The following AKAP13 variants were observed in gnomAD, a reference collection of about 807,000 sequenced individuals.
AKAP13 encodes A-kinase anchor protein 13.
A neutral mutation model predicts 264.5 loss-of-function variants in AKAP13; 80 were observed. The observed-to-expected ratio is 0.30, with a 90% CI of 0.25 to 0.36. The LOEUF (loss-of-function observed/expected upper bound fraction) is 0.36. Ranked by LOEUF, AKAP13 falls within the 10% of genes least tolerant of loss-of-function variation. AKAP13 has a pLI of 1.00. For synonymous variants in AKAP13, 1,380 were observed against 1,250.2 expected (o/e 1.10, Z -2.19); for missense variants, 3,712 against 3,435.2 (o/e 1.08, Z -2.01).
intron 8 of AKAP13, among the ~76,000 whole-genome samples, chr15:85,590,742 A>T (rs1014566112): frequency 6.6e-6 from 1 of 152,160 alleles, no homozygotes; most frequent in Non-Finnish European, 1.5e-5. Context: ...TTTAATGCCC[A>T]TTGCAATTTA....
intron 2 of AKAP13, among the ~76,000 whole-genome samples, chr15:85,507,824 C>T (rs951000184): frequency 1.3e-5 from 2 of 152,354 alleles, no homozygotes; most frequent in South Asian, 2.1e-4. Context: ...CACCCTCCTC[C>T]ACTCCCACAC....
chr15:85,726,579 T>C, intron 27 of AKAP13, 93 bp downstream of exon 27: 1 of 1,062,118 alleles, frequency 9.4e-7, no homozygotes, highest in Non-Finnish European at 1.4e-6. Context: ...CCCGCCCTCT[T>C]AAAATTAAAT....
At chr15:85,430,979 C>T (rs1277133982) in intron 1 of AKAP13, among the ~76,000 whole-genome samples, 6 of 152,184 alleles carry the variant, frequency 3.9e-5, no homozygotes, top group Admixed American at 6.5e-5. Context: ...AGATCATCAT[C>T]ATCACTTTTC....
At chr15:85,634,886 T>C (rs1167696613) in intron 8 of AKAP13, among the ~76,000 whole-genome samples, 1 of 151,806 alleles carries the variant, frequency 6.6e-6, no homozygotes, top group Non-Finnish European at 1.5e-5. Flanking sequence ...GATTCATCCA[T>C]GTTGTTTGTA....
At chr15:85,633,705 G>A (rs1395036849) in intron 8 of AKAP13, among the ~76,000 whole-genome samples, 1 of 151,572 alleles carries the variant, frequency 6.6e-6, no homozygotes, top group Non-Finnish European at 1.5e-5. Flanking sequence ...CACCACGCCT[G>A]GCTAATGTTT....
chr15:85,390,576 G>GA (rs34171235), intron 1 of AKAP13, among the ~76,000 whole-genome samples: 109,952 of 151,902 alleles, frequency 0.72, 40,106 homozygotes, highest in Non-Finnish European at 0.78. Flanking sequence ...GGCATGACAA[G>GA]GTTGATTTAG....
In AKAP13 at chr15:85,415,194, C is replaced by A. The variant is rs1470192705; in HGVS notation, c.-12+34396C>A. 7 of 1,378,722 alleles carry A rather than the reference C, an allele frequency of 5.1e-6. No homozygotes were observed. In the South Asian group the frequency reaches 8.6e-5, roughly 17 times the overall value. 85.4% of individuals were successfully genotyped at this position (1,378,722 alleles called of 1,614,324 possible). A position where few individuals can be genotyped will look rare whatever the true frequency, so the allele number is the denominator to read the frequency against. On this transcript the variant is annotated intron_variant, in intron 1 of 36. Coordinates refer to ENST00000394518, the MANE Select transcript of AKAP13 (RefSeq NM_007200.5). ...AGCACGCTGCCACGCCGACGCAGAC[C>A]CCGCTCTGCACGCCAGCTCGCCCGC...
chr15:85,664,943 A>G (rs1177819040), intron 13 of AKAP13, among the ~76,000 whole-genome samples, 188 bp downstream of exon 13: 2 of 152,162 alleles, frequency 1.3e-5, no homozygotes, highest in Non-Finnish European at 2.9e-5. Flanking sequence ...GCTCATGCCT[A>G]TAATCCCAGT....
intron 12 of AKAP13, among the ~76,000 whole-genome samples, chr15:85,661,787 T>G (rs2151539189): frequency 6.6e-6 from 1 of 152,278 alleles, no homozygotes; most frequent in East Asian, 1.9e-4. Flanking sequence ...TGCTTTATCT[T>G]TAACGTAACA....
chr15:85,636,450 G>A (rs145426539), intron 8 of AKAP13, among the ~76,000 whole-genome samples: 1 of 152,268 alleles, frequency 6.6e-6, no homozygotes, highest in East Asian at 1.9e-4. Flanking sequence ...GATGAGAATG[G>A]ACATCTTTGG....
intron 4 of AKAP13, among the ~76,000 whole-genome samples, chr15:85,539,497 G>T (rs1313639218): frequency 6.6e-6 from 1 of 152,200 alleles, no homozygotes; most frequent in Non-Finnish European, 1.5e-5. Flanking sequence ...ACTGTAAGCT[G>T]GGCTTGCTGG....
At position 85,580,486 on chromosome 15, in the gene AKAP13, C is replaced by G; in HGVS notation, c.2418C>G (p.Pro806=). Residue 806 remains proline (P), a synonymous_variant, in exon 7 of 37, where the codon CCC becomes CCG. Transcript: ENST00000394518. ...VTKDDALSFV[P]SQKEKGTATP... ...AGGATGACGCACTTTCTTTTGTCCC[C>G]TCCCAGAAAGAAAAGGGAACAGCAA... 2 of 1,614,098 alleles carry G rather than the reference C, an allele frequency of 1.2e-6. No homozygotes were observed. Among genetic ancestry groups the G allele is most frequent in the Non-Finnish European group, 1.7e-6 (2 of 1,180,038 alleles).
rs562957595 is a variant in AKAP13 at position 85,692,523 on chromosome 15, A to G, written c.5290-754A>G. On this transcript the variant is annotated intron_variant, in intron 16 of 36. Transcript: ENST00000394518. ...TGGTGGTGGTGGTGGTGGTGGCAGT[A>G]GTGGTAGTAGTGGTAGTAGTACCTG... Among the ~76,000 whole-genome samples, 4 of 151,076 alleles carry G rather than the reference A, an allele frequency of 2.6e-5. No homozygotes were observed. In the South Asian group the frequency reaches 8.3e-4, roughly 32 times the overall value.
intron 1 of AKAP13, among the ~76,000 whole-genome samples, chr15:85,454,591 A>G (rs1171416535): frequency 3.9e-5 from 6 of 152,056 alleles, no homozygotes; most frequent in African/African-American, 1.2e-4. Flanking sequence ...TGAGAGTCAC[A>G]CACACTAGCT....
At chr15:85,660,686 A>G (rs144931570) in intron 12 of AKAP13, among the ~76,000 whole-genome samples, 1 of 152,302 alleles carries the variant, frequency 6.6e-6, no homozygotes, top group East Asian at 1.9e-4. Flanking sequence ...TGTAAAATAT[A>G]TATCTTCTCC....
intron 4 of AKAP13, chr15:85,536,557 A>C (rs142695739): frequency 1.8e-4 from 28 of 152,334 alleles, no homozygotes; most frequent in African/African-American, 6.5e-4. Flanking sequence ...AATCTTCAAA[A>C]ACTGGAAATA....
chr15:85,496,159 G>A (rs970421197), intron 2 of AKAP13, among the ~76,000 whole-genome samples: 2 of 152,068 alleles, frequency 1.3e-5, no homozygotes, highest in South Asian at 2.1e-4. Flanking sequence ...GGTAGGGTTC[G>A]CATCCTGTGA....
chr15:85,734,989 C>T lies in AKAP13; in HGVS notation c.7283-3C>T. On this transcript the variant is annotated splice_polypyrimidine_tract_variant and splice_region_variant and intron_variant, in intron 30 of 36. Transcript: ENST00000394518. ...TCAGCTTTGCATGTTTCCTTTATTC[C>T]AGTGGAGATCCTTCAGGGTTTGGTG... The T allele has an allele frequency of 6.2e-7, 1 of 1,612,408 alleles. No homozygotes were observed. Among genetic ancestry groups the T allele is most frequent in the South Asian group, 1.1e-5 (1 of 90,778 alleles).
chr15:85,541,016 G>T (rs2077565863), intron 4 of AKAP13, among the ~76,000 whole-genome samples: 1 of 152,170 alleles, frequency 6.6e-6, no homozygotes, highest in South Asian at 2.1e-4. Flanking sequence ...CAGAACAATG[G>T]TTAACTCTGA....
Sources: allele counts gnomAD v4.1 joint callset (sites outside exome capture counted in the v4.1 genomes callset), GRCh38; gene constraint gnomAD v4.1.1; transcripts MANE v1.5; gene names NCBI Gene and HGNC (gene_info 2026-07-23, HGNC 2026-07-21).